Variants in EFCAB8 observed in about 807,000 individuals in gnomAD.
EFCAB8 encodes the protein EF-hand calcium-binding domain-containing protein 8.
Under a neutral mutation model 116.3 loss-of-function variants are expected in EFCAB8, and 100 were observed. The observed-to-expected ratio is 0.86, with a 90% CI of 0.73 to 1.02. EFCAB8 has a LOEUF of 1.02. EFCAB8 is among the 50% of genes least tolerant of loss of function. EFCAB8 has a pLI of 0.00. For synonymous variants in EFCAB8, 558 were observed against 567.9 expected, an observed-to-expected ratio of 0.98 and a Z score of 0.25; for missense variants, 1,320 against 1,416.9, an observed-to-expected ratio of 0.93 and a Z score of 1.10.
intron 20 of EFCAB8, among the ~76,000 whole-genome samples, chr20:32,922,360 A>C (rs977019552): frequency 6.6e-5 from 10 of 152,182 alleles, no homozygotes; most frequent in Non-Finnish European, 1.3e-4. Flanking sequence ...TAAATCTGTG[A>C]AGTCAAGGTA....
intron 9 of EFCAB8, among the ~76,000 whole-genome samples, chr20:32,894,600 G>C (rs1195100302): frequency 6.6e-6 from 1 of 152,228 alleles, no homozygotes; most frequent in Admixed American, 6.5e-5. Flanking sequence ...TGGGCCCAGT[G>C]TATGGACTTG....
intron 7 of EFCAB8, 94 bp downstream of exon 7, chr20:32,889,500 A>G (rs1319866816): frequency 1.6e-6 from 2 of 1,263,920 alleles, no homozygotes; most frequent in East Asian, 5.1e-5. Context: ...AACTGTGAAC[A>G]TGGATCAGAG....
chr20:32,911,743 C>T (rs1415888695), intron 16 of EFCAB8, 36 bp downstream of exon 16: 6 of 1,543,546 alleles, frequency 3.9e-6, no homozygotes, highest in Admixed American at 2.0e-5. Flanking sequence ...CAGGGACGGC[C>T]TCTTGGGAAG....
At chr20:32,910,896 C>T (rs1006412924) in intron 15 of EFCAB8, among the ~76,000 whole-genome samples, 1 of 151,986 alleles carries the variant, frequency 6.6e-6, no homozygotes, top group African/African-American at 2.4e-5. Context: ...CACCACCACC[C>T]CCAGCTAATT....
At chr20:32,864,620 A>T (rs1208725377) in intron 2 of EFCAB8, among the ~76,000 whole-genome samples, 2 of 152,098 alleles carry the variant, frequency 1.3e-5, no homozygotes, top group Non-Finnish European at 2.9e-5. Context: ...GTCAAATGCA[A>T]CACACCCGAG....
chr20:32,913,839 AC>A (rs1987057031), intron 17 of EFCAB8, among the ~76,000 whole-genome samples: 1 of 152,196 alleles, frequency 6.6e-6, no homozygotes, highest in African/African-American at 2.4e-5. Flanking sequence ...ATGCTAGTAG[AC>A]CTTAAATCTC....
At chr20:32,911,357 A>C (rs1333177560) in intron 15 of EFCAB8, 123 bp from the exon 16 acceptor site, 4 of 800,576 alleles carry the variant, frequency 5.0e-6, no homozygotes, top group Non-Finnish European at 7.4e-6. Flanking sequence ...ATGCTGTAGC[A>C]GGGGGCCCTG....
At chr20:32,894,674 C>T (rs1371943700) in intron 9 of EFCAB8, among the ~76,000 whole-genome samples, 1 of 152,194 alleles carries the variant, frequency 6.6e-6, no homozygotes. Context: ...AGTTGCTTAA[C>T]CTTTCTGTGC....
At chr20:32,905,975 C>G (rs1600407658) in intron 11 of EFCAB8, among the ~76,000 whole-genome samples, 1 of 152,054 alleles carries the variant, frequency 6.6e-6, no homozygotes, top group South Asian at 2.1e-4. Context: ...CCTGTGTGAC[C>G]TTGGGGAAGC....
At chr20:32,882,127 G>T (rs1985369554) in intron 5 of EFCAB8, among the ~76,000 whole-genome samples, 1 of 152,264 alleles carries the variant, frequency 6.6e-6, no homozygotes, top group East Asian at 1.9e-4. Context: ...GAACCCAGGA[G>T]GCAGAGGTTG....
At chr20:32,934,807 T>A (rs1988040137) in intron 22 of EFCAB8, among the ~76,000 whole-genome samples, 1 of 152,230 alleles carries the variant, frequency 6.6e-6, no homozygotes, top group Non-Finnish European at 1.5e-5. Context: ...GCCATGATTG[T>A]GAGGCCTCCC....
intron 1 of EFCAB8, among the ~76,000 whole-genome samples, chr20:32,860,360 G>A (rs1282751201): frequency 2.0e-5 from 3 of 152,032 alleles, no homozygotes; most frequent in Non-Finnish European, 4.4e-5. Context: ...ATGTGGGTTT[G>A]TCTGTTTCCT....
At chr20:32,871,097 C>T (rs117904105) in intron 3 of EFCAB8, among the ~76,000 whole-genome samples, 13,351 of 152,090 alleles carry the variant, frequency 0.088, 810 homozygotes, top group South Asian at 0.16. Flanking sequence ...AGGTGATCCA[C>T]CTGTCTCGCC....
rs201493711 is a variant in EFCAB8, at chr20:32,948,524, A to AAAAGAAAGAAAG, written c.2959+4768_2959+4779dup. ...CAAAGACGTTATAAGAAGAAAGTGAAAAAGAAAGAAAGAAAGAAAGAAAGA... is the reference window on the plus strand; with the variant it reads ...CAAAGACGTTATAAGAAGAAAGTGAAAAAGAAAGAAAGAAAGAAAGAAAGAAAGAAAGAAAGA... On this transcript the variant is annotated intron_variant, in intron 23 of 26. Transcript: ENST00000400522. 7.8e-3 allele frequency among the ~76,000 whole-genome samples: 914 copies of AAAAGAAAGAAAG among 117,566 alleles called. 1 individual carries two copies. The highest frequency in any genetic ancestry group is 0.026 in the East Asian group (103 of 3,994). The allele number at this position is 117,566 out of a possible 152,430, so 77.1% of individuals were successfully genotyped here.
chr20:32,926,973 G>A (rs1011892181), intron 20 of EFCAB8, among the ~76,000 whole-genome samples: 3 of 151,460 alleles, frequency 2.0e-5, no homozygotes, highest in Non-Finnish European at 2.9e-5. Flanking sequence ...ATAAACATAC[G>A]TGTGCATGTG....
intron 26 of EFCAB8, 102 bp downstream of exon 26, chr20:32,960,263 G>A (rs1004942901): frequency 2.8e-6 from 3 of 1,083,420 alleles, no homozygotes; most frequent in Middle Eastern, 2.6e-4. Flanking sequence ...CTTCAGTGAG[G>A]GTGGACAGGA....
At chr20:32,893,522 C>G (rs549144318) in intron 9 of EFCAB8, among the ~76,000 whole-genome samples, 5 of 152,178 alleles carry the variant, frequency 3.3e-5, no homozygotes, top group Non-Finnish European at 5.9e-5. Flanking sequence ...GGTGGCCTCT[C>G]TGAGGATGGG....
intron 11 of EFCAB8, among the ~76,000 whole-genome samples, chr20:32,904,879 G>C (rs990858930): frequency 6.6e-6 from 1 of 152,130 alleles, no homozygotes; most frequent in Admixed American, 6.6e-5. Flanking sequence ...CGGCCGCCTT[G>C]GTCTCCCAAA....
At chr20:32,908,019 C>T (rs1350779968) in intron 13 of EFCAB8, among the ~76,000 whole-genome samples, 1 of 152,180 alleles carries the variant, frequency 6.6e-6, no homozygotes, top group Non-Finnish European at 1.5e-5. Context: ...GCTGCTCCAA[C>T]AGGGTGGAGG....
Sources: allele counts gnomAD v4.1 joint callset (sites outside exome capture counted in the v4.1 genomes callset), GRCh38; gene constraint gnomAD v4.1.1; transcripts MANE v1.5; gene names NCBI Gene and HGNC (gene_info 2026-07-23, HGNC 2026-07-21).